The following ANK2 variants were observed in gnomAD, a reference collection of about 807,000 sequenced individuals.
The protein encoded by ANK2 is ankyrin 2, also known as ankyrin-2.
In ANK2, 83 loss-of-function variants were observed where a neutral mutation model predicts 360.5. That is an observed-to-expected ratio of 0.23 (90% CI 0.19 to 0.28). The LOEUF is 0.28. ANK2 is among the 10% of genes least tolerant of loss of function. The pLI, the probability that ANK2 is intolerant of heterozygous loss-of-function variation, is 1.00. For synonymous variants in ANK2, 1,740 were observed against 1,759.5 expected, an observed-to-expected ratio of 0.99 and a Z score of 0.28; for missense variants, 4,201 against 4,795.7, an observed-to-expected ratio of 0.88 and a Z score of 3.66.
chr4:112,804,630 G>A, the ANK2 span, among the ~76,000 whole-genome samples: 1 of 152,126 alleles, frequency 6.6e-6, no homozygotes, highest in East Asian at 1.9e-4. Context: ...ATGTGAGGTG[G>A]GAGGATTGCT....
Position 112,873,011 on chromosome 4 carries a change from G to T in ANK2, c.-39-31444G>T, listed in dbSNP as rs1314847306. The stretch of plus-strand genomic sequence containing the variant: ...TTATCTCATTTGTTGGAATGCAGTT[G>T]TTCATAGTGTTTACTTATAATCCAT... On this transcript the variant is annotated intron_variant, in intron 1 of 30. Coordinates refer to the ANK2 transcript ENST00000503271. 3.3e-5 allele frequency among the ~76,000 whole-genome samples: 5 copies of T among 151,986 alleles called. 1 individual carries two copies. Among genetic ancestry groups the T allele is most frequent in the Admixed American group, 1.3e-4 (2 of 15,266 alleles).
chr4:113,291,153 A>G (rs1464134651), intron 20 of ANK2, among the ~76,000 whole-genome samples: 1 of 152,260 alleles, frequency 6.6e-6, no homozygotes, highest in South Asian at 2.1e-4. Flanking sequence ...GTGTGTGATT[A>G]GTAAATGCTT....
At chr4:113,283,690 TG>T (rs2063289429) in intron 18 of ANK2, among the ~76,000 whole-genome samples, 1 of 152,244 alleles carries the variant, frequency 6.6e-6, no homozygotes, top group South Asian at 2.1e-4. Flanking sequence ...ATATATATGC[TG>T]CTATAGCCAG....
chr4:113,118,504 A>T (rs1271173919), intron 1 of ANK2, among the ~76,000 whole-genome samples: 4 of 152,058 alleles, frequency 2.6e-5, no homozygotes, highest in Non-Finnish European at 5.9e-5. Context: ...TTGAGTTGAG[A>T]TCTTACTGCA....
At chr4:112,853,623 T>G (rs2065591473) in intron 1 of ANK2, among the ~76,000 whole-genome samples, 1 of 152,242 alleles carries the variant, frequency 6.6e-6, no homozygotes, top group African/African-American at 2.4e-5. Context: ...ATTGTTTCCT[T>G]TAAGTAGATA....
At chr4:113,208,616 C>A (rs2098983473) in intron 4 of ANK2, among the ~76,000 whole-genome samples, 2 of 151,946 alleles carry the variant, frequency 1.3e-5, no homozygotes, top group Admixed American at 1.3e-4. Context: ...ACCCTCCTAC[C>A]TCAGCTTTCT....
At chr4:112,782,203 T>C in the ANK2 span, among the ~76,000 whole-genome samples, 1 of 152,182 alleles carries the variant, frequency 6.6e-6, no homozygotes, top group East Asian at 1.9e-4. Context: ...AGGATTTTTT[T>C]CAAAATAATC....
chr4:112,944,262 G>T (rs1001305403), intron 2 of ANK2, among the ~76,000 whole-genome samples: 1 of 151,976 alleles, frequency 6.6e-6, no homozygotes, highest in Non-Finnish European at 1.5e-5. Flanking sequence ...TTGTCTATTT[G>T]TTCACTATGA....
chr4:113,109,526 A>AG (rs2094049774), intron 1 of ANK2, among the ~76,000 whole-genome samples: 1 of 152,178 alleles, frequency 6.6e-6, no homozygotes, highest in African/African-American at 2.4e-5. Flanking sequence ...GACTGTGAAG[A>AG]GGGCTCCCTA....
chr4:113,155,326 A>G (rs2097245076), intron 1 of ANK2, among the ~76,000 whole-genome samples: 1 of 152,164 alleles, frequency 6.6e-6, no homozygotes, highest in African/African-American at 2.4e-5. Flanking sequence ...TTTTGAGTTC[A>G]GGTATTTCCT....
intron 9 of ANK2, among the ~76,000 whole-genome samples, chr4:113,242,991 G>A (rs557764751): frequency 6.6e-6 from 1 of 152,060 alleles, no homozygotes; most frequent in South Asian, 2.1e-4. Context: ...TAACTCTTAG[G>A]TATATTATTT....
Position 113,354,113 on chromosome 4 carries a change from C to T in ANK2, c.5495C>T (p.Thr1832Ile), listed in dbSNP as rs144773694. 33 of 1,614,042 alleles carry T rather than the reference C, an allele frequency of 2.0e-5. No individual in the cohort carries two copies. The highest frequency in any genetic ancestry group is 2.8e-5 in the Non-Finnish European group (33 of 1,180,004). Residue 1832 changes from threonine (T) to isoleucine (I), a missense_variant, in exon 38 of 46, where the codon ACT becomes ATT. By Grantham distance (89) the Thr-to-Ile change is moderately conservative. Coordinates refer to ENST00000357077, the MANE Select transcript of ANK2 (RefSeq NM_001148.6). ...SPSPKTERHS[T>I]LSSSAKTERH... Reference sequence around the variant, plus strand: ...TCCCCTAAAACAGAAAGACACTCTACTCTTTCCTCTTCCGCAAAAACTGAA... The same window carrying T: ...TCCCCTAAAACAGAAAGACACTCTATTCTTTCCTCTTCCGCAAAAACTGAA...
chr4:113,170,257 T>G (rs1315894934), intron 1 of ANK2, among the ~76,000 whole-genome samples: 1 of 152,242 alleles, frequency 6.6e-6, no homozygotes, highest in African/African-American at 2.4e-5. Context: ...TCACTGCTAA[T>G]GGTCAGTGCA....
rs764485785 is a variant in ANK2, at chr4:113,367,825, A to G, written c.11292A>G (p.Ser3764=). Reference sequence around the variant, plus strand: ...AAATGCAAGACCTGCCTGAAGAGTCATCTCTGGAATATCAGCAGGAATATT... The same window carrying G: ...AAATGCAAGACCTGCCTGAAGAGTCGTCTCTGGAATATCAGCAGGAATATT... ...SGKMQDLPEE[S]SLEYQQEYFV... is the part of the protein sequence containing the mutation. The change falls in exon 42 of 46, where the codon TCA becomes TCG. Residue 3764 remains serine, a synonymous_variant. Coordinates refer to ENST00000357077, the MANE Select transcript of ANK2 (RefSeq NM_001148.6). The G allele has an allele frequency of 5.0e-6, 8 of 1,614,158 alleles. No individual in the cohort carries two copies. The highest frequency in any genetic ancestry group is 1.7e-5 in the Admixed American group (1 of 60,020).
chr4:112,885,103 G>A (rs948461811), intron 1 of ANK2, among the ~76,000 whole-genome samples: 1 of 152,106 alleles, frequency 6.6e-6, no homozygotes, highest in African/African-American at 2.4e-5. Flanking sequence ...TTTTATGTGG[G>A]TTTTTGGTCT....
At chr4:112,760,515 C>A in the ANK2 span, among the ~76,000 whole-genome samples, 1 of 151,194 alleles carries the variant, frequency 6.6e-6, no homozygotes, top group African/African-American at 2.4e-5. Context: ...TTTTTTTCTT[C>A]ATTGTATTCT....
At chr4:113,312,804 G>A (rs2080812684) in intron 24 of ANK2, among the ~76,000 whole-genome samples, 1 of 152,164 alleles carries the variant, frequency 6.6e-6, no homozygotes. Flanking sequence ...GCATAGCAGG[G>A]GGATCCTTCT....
At chr4:112,731,517 C>T in the ANK2 span, among the ~76,000 whole-genome samples, 2 of 151,800 alleles carry the variant, frequency 1.3e-5, no homozygotes, top group Non-Finnish European at 2.9e-5. Flanking sequence ...ATCACTTGAG[C>T]TCAGGAGTTT....
chr4:113,227,998 A>G (rs2099245793), intron 4 of ANK2, among the ~76,000 whole-genome samples: 1 of 152,188 alleles, frequency 6.6e-6, no homozygotes, highest in African/African-American at 2.4e-5. Flanking sequence ...TCAATAAGTC[A>G]CATTCATTTT....
Sources: gnomAD v4.1 joint callset for allele counts (sites outside exome capture counted in the v4.1 genomes callset) on GRCh38, gnomAD v4.1.1 for gene constraint, MANE v1.5 for transcripts, NCBI Gene and HGNC (gene_info 2026-07-23, HGNC 2026-07-21) for gene names.